The following CNTN4 variants were observed in gnomAD, a reference collection of about 807,000 sequenced individuals.
The protein encoded by CNTN4 is contactin-4.
A neutral mutation model predicts 122.5 loss-of-function variants in CNTN4; 77 were observed. That is an observed-to-expected ratio of 0.63 (90% confidence interval 0.52 to 0.76). The LOEUF is 0.76. Ranked by LOEUF, CNTN4 falls within the 30% of genes least tolerant of loss-of-function variation. The probability of loss-of-function intolerance (pLI) is 0.00; values close to 1 mark genes in which losing one functional copy is unlikely to be tolerated. For synonymous variants in CNTN4, 512 were observed against 447.0 expected, an observed-to-expected ratio of 1.15 and a Z score of -1.83; for missense variants, 1,256 against 1,259.1, an observed-to-expected ratio of 1.00 and a Z score of 0.04.
chr3:2,285,660 A>G (rs143691436), intron 2 of CNTN4, among the ~76,000 whole-genome samples: 30 of 152,268 alleles, frequency 2.0e-4, no homozygotes, highest in African/African-American at 7.0e-4. Context: ...AAAAATCTAG[A>G]TAAGCAGAGC....
At chr3:2,345,844 G>T (rs575196759) in intron 3 of CNTN4, among the ~76,000 whole-genome samples, 1 of 152,150 alleles carries the variant, frequency 6.6e-6, no homozygotes, top group African/African-American at 2.4e-5. Context: ...TAAATTTGAC[G>T]AATTAATCCT....
chr3:2,823,334 A>G (rs181784674), intron 7 of CNTN4, among the ~76,000 whole-genome samples: 17 of 152,326 alleles, frequency 1.1e-4, no homozygotes, highest in Admixed American at 7.8e-4. Flanking sequence ...TGCATGTCCT[A>G]TTTCGAAAGC....
chr3:3,041,268 G>C (rs887735366), intron 20 of CNTN4: 1 of 152,248 alleles, frequency 6.6e-6, no homozygotes, highest in Non-Finnish European at 1.5e-5. Context: ...CTGCCTCTCT[G>C]TCTGCCTCAG....
intron 2 of CNTN4, among the ~76,000 whole-genome samples, chr3:2,101,335 A>G (rs938444866): frequency 2.6e-5 from 4 of 152,204 alleles, no homozygotes; most frequent in African/African-American, 9.6e-5. Context: ...CTCAGCAGAA[A>G]ATTCCCATGC....
intron 2 of CNTN4, among the ~76,000 whole-genome samples, chr3:2,170,488 A>T (rs1020794424): frequency 1.3e-5 from 2 of 152,236 alleles, no homozygotes; most frequent in Non-Finnish European, 2.9e-5. Flanking sequence ...ATTGAAAAGT[A>T]AACACACTCT....
At chr3:2,534,578 T>C (rs35501813) in intron 3 of CNTN4, among the ~76,000 whole-genome samples, 36,796 of 151,086 alleles carry the variant, frequency 0.24, 4,838 homozygotes, top group East Asian at 0.55. Context: ...CTTAGCCATG[T>C]ACTGTTGGTG....
rs267599766 is a variant in CNTN4, at chr3:3,056,202, A to G, written c.3063A>G (p.Thr1021=). ...TCAGTACAATAATGATTTCCCTCACAGCTAGGTCCAGTTTATGACAAAAGT... is the reference window on the plus strand; with the variant it reads ...TCAGTACAATAATGATTTCCCTCACGGCTAGGTCCAGTTTATGACAAAAGT... The part of the protein sequence containing the change: ...SAISTIMISL[T]ARSSL The change falls in exon 25 of 25, where the codon ACA becomes ACG. Residue 1021 remains threonine (T), a synonymous_variant. Coordinates refer to ENST00000418658, the MANE Select transcript of CNTN4 (RefSeq NM_175607.3). 1 of 1,613,806 alleles carries G rather than the reference A, an allele frequency of 6.2e-7. No homozygotes were observed. The highest frequency in any genetic ancestry group is 1.7e-5 in the Admixed American group (1 of 60,026).
chr3:2,810,761 C>T (rs532045789), intron 6 of CNTN4, among the ~76,000 whole-genome samples: 59 of 152,290 alleles, frequency 3.9e-4, no homozygotes, highest in Admixed American at 1.1e-3. Context: ...TGATTAATAG[C>T]AAGGTCATAC....
chr3:2,975,854 T>G lies in CNTN4; in HGVS notation c.1359-12491T>G, dbSNP rs1275176329. On this transcript the variant is annotated intron_variant, in intron 13 of 24. Coordinates refer to ENST00000418658, the MANE Select transcript of CNTN4 (RefSeq NM_175607.3). ...AAATAACAAATAATATTGCTTTAAA[T>G]AATATTACTTTCCTGTCCTTACCCC... Among the ~76,000 whole-genome samples, 88 of 152,216 alleles carry G rather than the reference T, an allele frequency of 5.8e-4. 3 individuals carry two copies. The highest frequency in any genetic ancestry group is 5.8e-3 in the Admixed American group (88 of 15,282).
chr3:2,869,740 G>A (rs1443263195), intron 8 of CNTN4, among the ~76,000 whole-genome samples: 3 of 152,080 alleles, frequency 2.0e-5, no homozygotes, highest in Non-Finnish European at 4.4e-5. Context: ...TTTGTACTGC[G>A]CTCCAGCACG....
intron 8 of CNTN4, among the ~76,000 whole-genome samples, chr3:2,867,817 G>C (rs1049445827): frequency 2.0e-5 from 3 of 152,022 alleles, no homozygotes; most frequent in African/African-American, 7.2e-5. Flanking sequence ...CATCACAGTT[G>C]TCTGTGTTCT....
chr3:2,927,249 C>G (rs533263820), intron 13 of CNTN4: 2 of 451,328 alleles, frequency 4.4e-6, no homozygotes, highest in South Asian at 3.2e-5. Context: ...ACAAGCAACC[C>G]TGAGTTCTGG....
intron 6 of CNTN4, among the ~76,000 whole-genome samples, chr3:2,811,789 C>G (rs572747874): frequency 2.3e-5 from 3 of 129,650 alleles, no homozygotes; most frequent in African/African-American, 9.3e-5. Flanking sequence ...CTCTCAGCCT[C>G]CAGAGCAGCT....
At chr3:2,387,881 A>G (rs2046307216) in intron 3 of CNTN4, among the ~76,000 whole-genome samples, 2 of 152,218 alleles carry the variant, frequency 1.3e-5, no homozygotes, top group African/African-American at 4.8e-5. Context: ...TAAAGTGTGA[A>G]TCAAATTGAT....
chr3:3,034,441 ATTCACC>A (rs1332580374), intron 16 of CNTN4, among the ~76,000 whole-genome samples, 185 bp from the exon 17 acceptor site: 1 of 152,158 alleles, frequency 6.6e-6, no homozygotes, highest in Non-Finnish European at 1.5e-5. Flanking sequence ...GCTGTGTTTC[ATTCACC>A]TCTGTGGTTT....
rs1204569134 is a variant in CNTN4, at chr3:2,674,680, C to T, written c.56-61535C>T. Among the ~76,000 whole-genome samples the T allele has an allele frequency of 2.0e-5, 3 of 152,098 alleles. No homozygotes were observed. The East Asian group carries it at 5.8e-4, about 29-fold the overall frequency. On this transcript the variant is annotated intron_variant, in intron 4 of 24. Transcript: ENST00000418658. Reference sequence around the variant, plus strand: ...GGTGGAGGCAGGACAGTCACCTGAACCCGGGAGGCGGAGGTTGCTTTGAGC... The same window carrying T: ...GGTGGAGGCAGGACAGTCACCTGAATCCGGGAGGCGGAGGTTGCTTTGAGC...
rs565703046 is a variant in CNTN4, at chr3:2,443,677, A to G, written c.-89+104444A>G. Among the ~76,000 whole-genome samples the G allele has an allele frequency of 1.3e-3, 199 of 152,264 alleles. 2 individuals carry two copies. Among genetic ancestry groups the G allele is most frequent in the Admixed American group, 1.9e-3 (29 of 15,282 alleles). The stretch of plus-strand genomic sequence containing the variant: ...TATGTATTTCAGTGTCGACTTACCC[A>G]ACACACTGAACCTGCTTCTCTGATC... On this transcript the variant is annotated intron_variant, in intron 3 of 24. Transcript: ENST00000418658.
intron 2 of CNTN4, among the ~76,000 whole-genome samples, chr3:2,276,331 C>G (rs189055550): frequency 6.6e-6 from 1 of 152,088 alleles, no homozygotes; most frequent in Non-Finnish European, 1.5e-5. Flanking sequence ...AGCCACTGTG[C>G]TCAGCTATTT....
intron 2 of CNTN4, among the ~76,000 whole-genome samples, chr3:2,255,845 C>G (rs915191903): frequency 1.3e-5 from 2 of 152,078 alleles, no homozygotes; most frequent in Admixed American, 6.6e-5. Flanking sequence ...CAGGAAAGAT[C>G]TAAAATTGAC....
Sources: gnomAD v4.1 joint callset for allele counts (sites outside exome capture counted in the v4.1 genomes callset) on GRCh38, gnomAD v4.1.1 for gene constraint, MANE v1.5 for transcripts, NCBI Gene and HGNC (gene_info 2026-07-23, HGNC 2026-07-21) for gene names.